ZNF704: variants seen among roughly 807,000 people sequenced by gnomAD.
The protein encoded by ZNF704 is glucocorticoid induced gene 1.
ZNF704 carries 10 observed loss-of-function variants against 44.7 expected under a neutral mutation model. The ratio of observed to expected loss-of-function variants is 0.22; its 90% CI spans 0.14 to 0.38. The LOEUF (loss-of-function observed/expected upper bound fraction) is 0.38. Ranked by LOEUF, ZNF704 falls within the 10% of genes least tolerant of loss-of-function variation. The pLI, the probability that ZNF704 is intolerant of heterozygous loss-of-function variation, is 1.00. For missense variants in ZNF704, 390 were observed against 545.5 expected (o/e 0.71, Z 2.84); for synonymous variants, 211 against 207.6 (o/e 1.02, Z -0.14).
Position 80,874,340 on chromosome 8 carries a change from C to T in ZNF704, c.-22+231G>A, listed in dbSNP as rs1327755904. On this transcript the variant is annotated intron_variant, in intron 1 of 8. Transcript: ENST00000327835. This position sits in a 1 kb window ranked among gnomAD's most constrained non-coding sequence, Gnocchi z 4.4. ...GCCGCCTCCGCCGCCGCCGCCGCCGCCCGGGAGCCGCGGGCCGCGCTGCGC... is the reference window on the plus strand; with the variant it reads ...GCCGCCTCCGCCGCCGCCGCCGCCGTCCGGGAGCCGCGGGCCGCGCTGCGC... 6.9e-6 allele frequency among the ~76,000 whole-genome samples: 1 copy of T among 145,414 alleles called. No homozygotes were observed. Among genetic ancestry groups the T allele is most frequent in the Non-Finnish European group, 1.5e-5 (1 of 65,482 alleles).
intron 7 of ZNF704, among the ~76,000 whole-genome samples, chr8:80,658,080 T>C (rs763803713): frequency 6.6e-6 from 1 of 152,172 alleles, no homozygotes; most frequent in Non-Finnish European, 1.5e-5. Flanking sequence ...TTCCCTATAC[T>C]TCAGAAGATA....
intron 4 of ZNF704, among the ~76,000 whole-genome samples, chr8:80,685,549 C>T (rs1818521464): frequency 6.6e-6 from 1 of 152,176 alleles, no homozygotes; most frequent in Non-Finnish European, 1.5e-5. Flanking sequence ...CCCACTGATA[C>T]AAGTGCCAGC....
chr8:80,656,839 C>T (rs534124440), intron 7 of ZNF704, among the ~76,000 whole-genome samples: 1 of 152,146 alleles, frequency 6.6e-6, no homozygotes, highest in African/African-American at 2.4e-5. Context: ...TTTTAGAGTA[C>T]AAGGATAAAG....
intron 7 of ZNF704, among the ~76,000 whole-genome samples, chr8:80,657,599 GGGGAAGATGAGCC>G: frequency 6.6e-6 from 1 of 151,998 alleles, no homozygotes; most frequent in Non-Finnish European, 1.5e-5. Context: ...AGGCTGAAGT[GGGGAAGATGAGCC>G]CAGGGAGGTT....
At position 80,642,227 on chromosome 8, in the gene ZNF704, C is replaced by T. The variant is rs114845305; in HGVS notation, c.1128-750G>A. Among the ~76,000 whole-genome samples, 649 of 152,260 alleles carry T rather than the reference C, an allele frequency of 4.3e-3. 12 individuals are homozygous for T. The highest frequency in any genetic ancestry group is 0.015 in the African/African-American group (618 of 41,532). Reference sequence around the variant, plus strand: ...CAGTTTCATGGATTGAAGATTCATTCTTACTGTCGATCTTCGCAATCTCAG... The same window carrying T: ...CAGTTTCATGGATTGAAGATTCATTTTTACTGTCGATCTTCGCAATCTCAG... On this transcript the variant is annotated intron_variant, in intron 8 of 8. Coordinates refer to ENST00000327835, the MANE Select transcript of ZNF704 (RefSeq NM_001033723.3).
intron 1 of ZNF704, among the ~76,000 whole-genome samples, chr8:80,856,958 A>G (rs1045309004): frequency 3.3e-5 from 5 of 152,154 alleles, no homozygotes; most frequent in African/African-American, 1.2e-4. Flanking sequence ...TGACATCTTA[A>G]CCATATTAAG....
intron 2 of ZNF704, among the ~76,000 whole-genome samples, chr8:80,702,428 G>T (rs1026104256): frequency 6.6e-6 from 1 of 152,204 alleles, no homozygotes; most frequent in Non-Finnish European, 1.5e-5. Context: ...TGTTGTGATG[G>T]TCACTGGAGA....
chr8:80,866,798 T>C (rs1055663557), intron 1 of ZNF704, among the ~76,000 whole-genome samples: 3 of 152,160 alleles, frequency 2.0e-5, no homozygotes, highest in Non-Finnish European at 2.9e-5. Context: ...GCTGTGGCTC[T>C]CTCAGGCTGT....
intron 2 of ZNF704, among the ~76,000 whole-genome samples, chr8:80,729,990 C>T (rs1292592639): frequency 1.3e-5 from 2 of 152,072 alleles, no homozygotes; most frequent in African/African-American, 4.8e-5. Context: ...AATTGTATGC[C>T]CCATTCGAAC....
intron 1 of ZNF704, among the ~76,000 whole-genome samples, chr8:80,840,391 G>T (rs1028538242): frequency 6.6e-6 from 1 of 152,098 alleles, no homozygotes; most frequent in African/African-American, 2.4e-5. Flanking sequence ...TGTGGCCCAA[G>T]ACAATTCTTT....
chr8:80,660,543 T>C (rs548750468), intron 6 of ZNF704, among the ~76,000 whole-genome samples: 2 of 148,976 alleles, frequency 1.3e-5, no homozygotes, highest in African/African-American at 4.9e-5. Flanking sequence ...AATCATGATA[T>C]ACCTACAGAG....
At chr8:80,672,256 G>A (rs1818293745) in intron 4 of ZNF704, among the ~76,000 whole-genome samples, 1 of 152,160 alleles carries the variant, frequency 6.6e-6, no homozygotes, top group Non-Finnish European at 1.5e-5. Flanking sequence ...TTACCAAAAT[G>A]TCAAAAAATA....
At chr8:80,834,557 CA>C (rs1352550881) in intron 1 of ZNF704, among the ~76,000 whole-genome samples, 1 of 152,146 alleles carries the variant, frequency 6.6e-6, no homozygotes, top group East Asian at 1.9e-4. Context: ...GATACATGTG[CA>C]GAACATGCAG....
At chr8:80,804,395 T>C (rs1443359898) in intron 2 of ZNF704, among the ~76,000 whole-genome samples, 1 of 152,170 alleles carries the variant, frequency 6.6e-6, no homozygotes, top group African/African-American at 2.4e-5. Context: ...TGAAGCACTA[T>C]TCACAATAGC....
chr8:80,848,703 A>G (rs908517932), intron 1 of ZNF704, among the ~76,000 whole-genome samples: 1 of 151,644 alleles, frequency 6.6e-6, no homozygotes, highest in South Asian at 2.1e-4. Flanking sequence ...TAGGCATGGT[A>G]GTGTGTGTCA....
intron 2 of ZNF704, among the ~76,000 whole-genome samples, chr8:80,814,638 G>A (rs1168440425): frequency 6.6e-6 from 1 of 152,134 alleles, no homozygotes; most frequent in Non-Finnish European, 1.5e-5. Context: ...TCTCTAACAT[G>A]AGTGAGTACA....
chr8:80,877,863 A>G (rs2130097983), upstream of ZNF704, among the ~76,000 whole-genome samples: 1 of 152,332 alleles, frequency 6.6e-6, no homozygotes, highest in East Asian at 1.9e-4. Flanking sequence ...AAAGTAAGGG[A>G]AAAATAAAAG....
chr8:80,759,266 A>G (rs1289372666), intron 2 of ZNF704, among the ~76,000 whole-genome samples: 4 of 149,106 alleles, frequency 2.7e-5, no homozygotes, highest in East Asian at 2.0e-4. Context: ...GTTAAGCCTG[A>G]GCTTTTTTTT....
At chr8:80,782,057 C>A (rs760781698) in intron 2 of ZNF704, among the ~76,000 whole-genome samples, 7 of 152,198 alleles carry the variant, frequency 4.6e-5, no homozygotes, top group Non-Finnish European at 1.0e-4. Flanking sequence ...TAGGAAATTA[C>A]TGCTTAGAGA....
Sources: gnomAD v4.1 joint callset for allele counts (sites outside exome capture counted in the v4.1 genomes callset) on GRCh38, gnomAD v4.1.1 for gene constraint, Gnocchi (gnomAD v3.1) non-coding constraint, MANE v1.5 for transcripts, NCBI Gene and HGNC (gene_info 2026-07-23, HGNC 2026-07-21) for gene names.